The following SEMA3C variants were observed in gnomAD, a reference collection of about 807,000 sequenced individuals.
SEMA3C encodes the protein semaphorin 3C.
Under a neutral mutation model 89.4 loss-of-function variants are expected in SEMA3C, and 47 were observed. That is an observed-to-expected ratio of 0.53 (90% CI 0.42 to 0.67). The LOEUF (loss-of-function observed/expected upper bound fraction) is 0.67, where lower values mean the gene tolerates loss of function less well. Among genes scored for constraint, SEMA3C ranks in the 30% least tolerant of loss-of-function variants. The pLI is 0.00. For synonymous variants in SEMA3C, 310 were observed against 320.2 expected (o/e 0.97, Z 0.34); for missense variants, 839 against 929.1 (o/e 0.90, Z 1.26).
At chr7:80,891,900 G>C (rs1791622310) in intron 2 of SEMA3C, among the ~76,000 whole-genome samples, 1 of 151,914 alleles carries the variant, frequency 6.6e-6, no homozygotes, top group African/African-American at 2.4e-5. Context: ...AAAAGCATTA[G>C]CAATAGTTTT....
chr7:80,782,107 C>G (rs940899625), intron 12 of SEMA3C, among the ~76,000 whole-genome samples: 7 of 152,278 alleles, frequency 4.6e-5, no homozygotes, highest in Middle Eastern at 3.4e-3. Context: ...TTTAGTGATA[C>G]ATCAAAAATG....
chr7:80,829,526 C>T (rs758557025), intron 2 of SEMA3C, among the ~76,000 whole-genome samples: 5 of 151,928 alleles, frequency 3.3e-5, no homozygotes, highest in Admixed American at 6.6e-5. Flanking sequence ...CTAATTAGTC[C>T]GACTTATTTT....
At chr7:80,778,665 T>G (rs1788622209) in intron 12 of SEMA3C, among the ~76,000 whole-genome samples, 1 of 152,116 alleles carries the variant, frequency 6.6e-6, no homozygotes, top group South Asian at 2.1e-4. Flanking sequence ...TTCCTACTTC[T>G]TTCTGTTCAT....
chr7:80,881,263 A>C (rs1791334224), intron 2 of SEMA3C, among the ~76,000 whole-genome samples: 1 of 152,034 alleles, frequency 6.6e-6, no homozygotes. Context: ...CAATAAGACC[A>C]ATAAGATTAT....
At chr7:80,899,045 C>A (rs866768848) in intron 2 of SEMA3C, among the ~76,000 whole-genome samples, 10 of 152,064 alleles carry the variant, frequency 6.6e-5, no homozygotes, top group African/African-American at 2.4e-4. Flanking sequence ...ACTTTATCAA[C>A]ATTTTTTTTG....
rs1372237117 is a variant in SEMA3C at position 80,744,966 on chromosome 7, G to A, written c.2184C>T (p.Asp728=). Reference sequence around the variant, plus strand: ...TGATGAGGGCCTTTAACTTGCCATAGTCCCCTCTCATTTTCTGTGATTCAT... The same window carrying A: ...TGATGAGGGCCTTTAACTTGCCATAATCCCCTCTCATTTTCTGTGATTCAT... ...QGDESQKMRG[D]YGKLKALINS... Residue 728 remains aspartate (D), a synonymous_variant, in exon 18 of 18, where the codon GAC becomes GAT. Transcript: ENST00000265361. The A allele has an allele frequency of 6.2e-7, 1 of 1,614,016 alleles. No individual in the cohort carries two copies.
At chr7:80,857,064 G>A (rs755985795) in intron 2 of SEMA3C, among the ~76,000 whole-genome samples, 2 of 151,880 alleles carry the variant, frequency 1.3e-5, no homozygotes, top group Non-Finnish European at 2.9e-5. Context: ...CAGTCACTAC[G>A]GTCCTAACCT....
At chr7:80,836,874 C>T (rs1790142892) in intron 2 of SEMA3C, among the ~76,000 whole-genome samples, 1 of 152,064 alleles carries the variant, frequency 6.6e-6, no homozygotes, top group South Asian at 2.1e-4. Context: ...ATCACTAGTG[C>T]CCTCTTTCAT....
At chr7:80,779,269 A>G (rs917770899) in intron 12 of SEMA3C, among the ~76,000 whole-genome samples, 3 of 152,172 alleles carry the variant, frequency 2.0e-5, no homozygotes, top group Non-Finnish European at 4.4e-5. Context: ...TAATGAAATA[A>G]TGTATTTTAA....
intron 5 of SEMA3C, among the ~76,000 whole-genome samples, chr7:80,817,999 T>C (rs971101727): frequency 6.6e-6 from 1 of 151,928 alleles, no homozygotes; most frequent in African/African-American, 2.4e-5. Flanking sequence ...ATAAAATAGA[T>C]ATACTAAAAA....
intron 12 of SEMA3C, among the ~76,000 whole-genome samples, chr7:80,783,156 T>C (rs1369012836): frequency 6.6e-6 from 1 of 152,198 alleles, no homozygotes. Flanking sequence ...AAACAAATTT[T>C]TTCAGCAATG....
chr7:80,750,834 A>T (rs7790952), intron 16 of SEMA3C, among the ~76,000 whole-genome samples: 58,520 of 151,822 alleles, frequency 0.39, 11,837 homozygotes, highest in Non-Finnish European at 0.46. Context: ...TTGCACAACA[A>T]TGTAAATATG....
At chr7:80,765,556 A>G (rs1306237439) in intron 12 of SEMA3C, among the ~76,000 whole-genome samples, 2 of 148,500 alleles carry the variant, frequency 1.3e-5, no homozygotes, top group African/African-American at 5.1e-5. Flanking sequence ...TACAATACAT[A>G]AGTTTTTTTT....
intron 16 of SEMA3C, among the ~76,000 whole-genome samples, chr7:80,750,473 T>TATATAC (rs869227686): frequency 5.6e-4 from 31 of 55,430 alleles, no homozygotes; most frequent in African/African-American, 1.2e-3. Context: ...TATATATATA[T>TATATAC]ACACACACAC....
intron 9 of SEMA3C, 84 bp from the exon 10 acceptor site, chr7:80,800,910 A>T (rs1325012269): frequency 2.4e-6 from 2 of 828,106 alleles, no homozygotes; most frequent in Non-Finnish European, 3.7e-6. Context: ...AATAATTTCA[A>T]CTCTGAAAAG....
At chr7:80,792,374 T>C (rs983070689) in intron 11 of SEMA3C, among the ~76,000 whole-genome samples, 1 of 152,246 alleles carries the variant, frequency 6.6e-6, no homozygotes, top group Non-Finnish European at 1.5e-5. Context: ...TCCAGAACTT[T>C]ATAAAACACC....
chr7:80,799,755 G>A lies in SEMA3C; in HGVS notation c.986+1002C>T, dbSNP rs868302984. Among the ~76,000 whole-genome samples, 11 of 152,038 alleles carry A rather than the reference G, an allele frequency of 7.2e-5. No homozygotes were observed. The South Asian group carries it at 1.0e-3, about 14-fold the overall frequency. On this transcript the variant is annotated intron_variant, in intron 10 of 17. Coordinates refer to ENST00000265361, the MANE Select transcript of SEMA3C (RefSeq NM_006379.5). ...TGTAATCCCAGCTACTTAGGCGACCGAGGCAGAAGAACTGTTTGAATCCAG... is the reference window on the plus strand; with the variant it reads ...TGTAATCCCAGCTACTTAGGCGACCAAGGCAGAAGAACTGTTTGAATCCAG...
Position 80,899,404 on chromosome 7 carries a change from T to C in SEMA3C, c.103+17275A>G, listed in dbSNP as rs556685403. ...AGACAAAAGTAAATGCATTATTTTATTCAGTTTTAAAATGATATGACATAT... is the reference window on the plus strand; with the variant it reads ...AGACAAAAGTAAATGCATTATTTTACTCAGTTTTAAAATGATATGACATAT... On this transcript the variant is annotated intron_variant, in intron 2 of 17. Transcript: ENST00000265361. 3.3e-5 allele frequency among the ~76,000 whole-genome samples: 5 copies of C among 152,316 alleles called. No homozygotes were observed. In the South Asian group the frequency reaches 8.3e-4, roughly 25 times the overall value.
intron 16 of SEMA3C, 84 bp from the exon 17 acceptor site, chr7:80,749,112 C>T: frequency 2.2e-6 from 3 of 1,334,176 alleles, no homozygotes; most frequent in African/African-American, 1.5e-5. Context: ...ATGCTATATA[C>T]ATGTTTATTT....
Sources: allele counts gnomAD v4.1 joint callset (sites outside exome capture counted in the v4.1 genomes callset), GRCh38; gene constraint gnomAD v4.1.1; transcripts MANE v1.5; gene names NCBI Gene and HGNC (gene_info 2026-07-23, HGNC 2026-07-21).